The following SPAG17 variants were observed in gnomAD, a reference collection of about 807,000 sequenced individuals.
SPAG17 encodes the protein sperm-associated antigen 17.
SPAG17 carries 169 observed loss-of-function variants against 273.6 expected under a neutral mutation model. The ratio of observed to expected loss-of-function variants is 0.62; its 90% CI spans 0.55 to 0.70. The LOEUF is 0.70. Among genes scored for constraint, SPAG17 ranks in the 30% least tolerant of loss-of-function variants. The probability of loss-of-function intolerance (pLI) is 0.00; values close to 1 mark genes in which losing one functional copy is unlikely to be tolerated. For synonymous variants in SPAG17, 825 were observed against 873.2 expected (o/e 0.94, Z 0.97); for missense variants, 2,557 against 2,627.8 (o/e 0.97, Z 0.59).
At chr1:118,111,975 TA>T (rs1404004522) in intron 4 of SPAG17, among the ~76,000 whole-genome samples, 1 of 152,184 alleles carries the variant, frequency 6.6e-6, no homozygotes, top group East Asian at 1.9e-4. Flanking sequence ...ATTCATAAAT[TA>T]AAAGCACAGT....
At chr1:118,117,215 C>T (rs375903176) in intron 3 of SPAG17, among the ~76,000 whole-genome samples, 20 of 152,212 alleles carry the variant, frequency 1.3e-4, no homozygotes, top group African/African-American at 3.9e-4. Flanking sequence ...ATAATGACAG[C>T]GCTGAAGGGA....
At chr1:118,055,114 A>G (rs772872354) in intron 19 of SPAG17, among the ~76,000 whole-genome samples, 43 of 151,948 alleles carry the variant, frequency 2.8e-4, no homozygotes, top group Non-Finnish European at 5.6e-4. Flanking sequence ...TCTCTTTGTC[A>G]CCATCTTCCC....
Position 118,086,947 on chromosome 1 carries a change from T to C in SPAG17, c.1421A>G (p.Asp474Gly). 1 of 1,605,794 alleles carries C rather than the reference T, an allele frequency of 6.2e-7. No homozygotes were observed. Among genetic ancestry groups the C allele is most frequent in the Non-Finnish European group, 8.5e-7 (1 of 1,177,192 alleles). The change falls in exon 11 of 49, where the codon GAC becomes GGC. Residue 474 changes from aspartate (D) to glycine (G), a missense_variant. By Grantham distance (94) the Asp-to-Gly change is moderately conservative (BLOSUM62 -1). Coordinates refer to ENST00000336338, the MANE Select transcript of SPAG17 (RefSeq NM_206996.4). The part of the protein sequence containing the change: ...PSLREPSPRA[D>G]GLDHRIAAHI... ...AGCTGCGATTCTGTGGTCTAGCCCG[T>C]CTGCTCTGGGGGATGGCTCCCGCAG...
At chr1:118,173,249 T>C (rs1303986075) in intron 1 of SPAG17, among the ~76,000 whole-genome samples, 6 of 152,194 alleles carry the variant, frequency 3.9e-5, no homozygotes, top group Non-Finnish European at 8.8e-5. Context: ...GAAAATTTTG[T>C]GGCACTTTTA....
intron 15 of SPAG17, 83 bp from the exon 16 acceptor site, chr1:118,074,683 C>T: frequency 2.4e-6 from 3 of 1,243,100 alleles, no homozygotes; most frequent in Non-Finnish European, 3.5e-6. Context: ...TTTTGTTGCC[C>T]ATATGATCTA....
intron 7 of SPAG17, among the ~76,000 whole-genome samples, chr1:118,093,948 C>A (rs902332699): frequency 6.6e-6 from 1 of 152,156 alleles, no homozygotes; most frequent in South Asian, 2.1e-4. Flanking sequence ...AGCTCAGATA[C>A]CTCTATTACT....
At chr1:118,180,596 T>C (rs138383029) in intron 1 of SPAG17, among the ~76,000 whole-genome samples, 159 of 152,160 alleles carry the variant, frequency 1.0e-3, no homozygotes, top group African/African-American at 3.7e-3. Flanking sequence ...ATAATTGGAA[T>C]GTTTCTAGTA....
chr1:118,020,499 AAGAT>A (rs1399548596), intron 28 of SPAG17, among the ~76,000 whole-genome samples: 2 of 152,102 alleles, frequency 1.3e-5, no homozygotes, highest in Admixed American at 6.6e-5. Context: ...TAAATTAGTG[AAGAT>A]AGATACAATA....
chr1:118,098,575 T>C (rs981280171), intron 6 of SPAG17, among the ~76,000 whole-genome samples: 1 of 152,126 alleles, frequency 6.6e-6, no homozygotes, highest in African/African-American at 2.4e-5. Context: ...CTCACTTCAA[T>C]AATAAACCAT....
intron 18 of SPAG17, among the ~76,000 whole-genome samples, chr1:118,063,728 G>A (rs1190480253): frequency 6.6e-6 from 1 of 152,152 alleles, no homozygotes; most frequent in Non-Finnish European, 1.5e-5. Context: ...AGCCGAAATT[G>A]ACAAATGGGA....
chr1:118,147,269 T>C (rs7551906), intron 3 of SPAG17, among the ~76,000 whole-genome samples: 14,746 of 152,222 alleles, frequency 0.097, 1,995 homozygotes, highest in African/African-American at 0.3. Flanking sequence ...TTAACGAGTA[T>C]GTTTGTTAAT....
intron 48 of SPAG17, 76 bp from the exon 49 acceptor site, chr1:117,954,125 A>G (rs749793352): frequency 4.4e-6 from 7 of 1,578,962 alleles, no homozygotes; most frequent in African/African-American, 1.4e-5. Context: ...AGTAAGTTAC[A>G]GTATCAATAA....
chr1:118,036,691 G>T, intron 24 of SPAG17, 79 bp downstream of exon 24: 1 of 897,826 alleles, frequency 1.1e-6, no homozygotes, highest in Non-Finnish European at 1.8e-6. Context: ...TTATTGACAA[G>T]TGAGCAGACT....
At chr1:118,001,499 C>T (rs1658281154) in intron 32 of SPAG17, among the ~76,000 whole-genome samples, 1 of 152,108 alleles carries the variant, frequency 6.6e-6, no homozygotes, top group African/African-American at 2.4e-5. Flanking sequence ...AATTTCAGAG[C>T]CTGTTATTGG....
intron 1 of SPAG17, among the ~76,000 whole-genome samples, chr1:118,152,008 T>C (rs1472917631): frequency 6.6e-6 from 1 of 152,338 alleles, no homozygotes; most frequent in South Asian, 2.1e-4. Flanking sequence ...TCTTTGTTTA[T>C]TGTAATTGTA....
chr1:117,976,438 G>T (rs969130400), intron 43 of SPAG17, among the ~76,000 whole-genome samples: 1 of 152,190 alleles, frequency 6.6e-6, no homozygotes, highest in Non-Finnish European at 1.5e-5. Context: ...CTTCCCTGTA[G>T]GTGGAAGATA....
chr1:118,109,575 A>AATC (rs1656635873), intron 4 of SPAG17, among the ~76,000 whole-genome samples: 1 of 149,526 alleles, frequency 6.7e-6, no homozygotes, highest in South Asian at 2.1e-4. Flanking sequence ...TAATAATAAT[A>AATC]ATAATAATAA....
At chr1:118,113,760 C>T (rs990902248) in intron 4 of SPAG17, among the ~76,000 whole-genome samples, 13 of 152,080 alleles carry the variant, frequency 8.5e-5, no homozygotes, top group African/African-American at 2.9e-4. Context: ...ATTTCCATAC[C>T]TTTAGAACCT....
rs773871021 is a variant in SPAG17, at chr1:117,983,879, G to A, written c.5804C>T (p.Pro1935Leu). 4 of 1,612,304 alleles carry A rather than the reference G, an allele frequency of 2.5e-6. No homozygotes were observed. Among genetic ancestry groups the A allele is most frequent in the Middle Eastern group, 1.7e-4 (1 of 6,050 alleles). Residue 1935 changes from proline (P) to leucine (L), a missense_variant, in exon 42 of 49, where the codon CCT becomes CTT. Physicochemically the swap from Pro to Leu is moderately conservative, Grantham distance 98. Transcript: ENST00000336338. ...NHLDSLSKKL[P>L]SFTKKNEDAN... ...ATCTTCATTTTTCTTTGTAAAAGAA[G>A]GCAGTTTTTTGGAAAGACTGTCCAG...
Sources: gnomAD v4.1 joint callset for allele counts (sites outside exome capture counted in the v4.1 genomes callset) on GRCh38, gnomAD v4.1.1 for gene constraint, MANE v1.5 for transcripts, NCBI Gene and HGNC (gene_info 2026-07-23, HGNC 2026-07-21) for gene names.